DSCAM: variants seen among roughly 807,000 people sequenced by gnomAD.
DSCAM encodes the protein cell adhesion molecule DSCAM.
Under a neutral mutation model 217.7 loss-of-function variants are expected in DSCAM, and 47 were observed. The ratio of observed to expected loss-of-function variants is 0.22; its 90% CI spans 0.17 to 0.28. The LOEUF (loss-of-function observed/expected upper bound fraction) is 0.28. Among genes scored for constraint, DSCAM ranks in the 10% least tolerant of loss-of-function variants. The pLI is 1.00. For synonymous variants in DSCAM, 1,056 were observed against 1,015.3 expected (o/e 1.04, Z -0.76); for missense variants, 2,080 against 2,618.3 (o/e 0.79, Z 4.49).
At chr21:40,282,326 G>A (rs1034017381) in intron 10 of DSCAM, among the ~76,000 whole-genome samples, 5 of 152,006 alleles carry the variant, frequency 3.3e-5, no homozygotes, top group African/African-American at 4.8e-5. Context: ...GGTGGCTCAC[G>A]CCTGTAATCC....
chr21:40,557,182 G>A (rs2150421), intron 3 of DSCAM, among the ~76,000 whole-genome samples: 87,826 of 151,862 alleles, frequency 0.58, 25,607 homozygotes, highest in East Asian at 0.67. Flanking sequence ...TTTATCCCCA[G>A]TGTGGCAGTG....
At chr21:40,155,601 A>G (rs1970392016) in intron 16 of DSCAM, among the ~76,000 whole-genome samples, 1 of 152,078 alleles carries the variant, frequency 6.6e-6, no homozygotes, top group African/African-American at 2.4e-5. Context: ...TTTCAAAGGC[A>G]TGGTCATGGG....
At chr21:40,266,363 T>A (rs985939048) in intron 11 of DSCAM, among the ~76,000 whole-genome samples, 8 of 151,966 alleles carry the variant, frequency 5.3e-5, no homozygotes, top group Middle Eastern at 3.2e-3. Context: ...GATGTTGGCA[T>A]GGATGTATTG....
chr21:40,780,583 G>T (rs1353898145), intron 1 of DSCAM, among the ~76,000 whole-genome samples: 1 of 151,896 alleles, frequency 6.6e-6, no homozygotes, highest in Non-Finnish European at 1.5e-5. Context: ...CTCAGAATGT[G>T]ACTGTGTTTG....
chr21:40,540,426 C>T (rs1158867952), intron 3 of DSCAM, among the ~76,000 whole-genome samples: 2 of 152,182 alleles, frequency 1.3e-5, no homozygotes, highest in Admixed American at 6.5e-5. Context: ...TAATTACCCA[C>T]ATCTACGTCC....
At chr21:40,631,947 C>A (rs773900826) in intron 3 of DSCAM, among the ~76,000 whole-genome samples, 1 of 152,264 alleles carries the variant, frequency 6.6e-6, no homozygotes, top group African/African-American at 2.4e-5. Flanking sequence ...CATGTTGGTG[C>A]TTTCCTAGTA....
At chr21:40,671,506 C>G (rs536308688) in intron 3 of DSCAM, among the ~76,000 whole-genome samples, 5 of 151,480 alleles carry the variant, frequency 3.3e-5, no homozygotes, top group Admixed American at 6.6e-5. Flanking sequence ...AAACTCCCCC[C>G]CCGCACCGTC....
chr21:40,536,096 G>C lies in DSCAM; in HGVS notation c.508+156714C>G, dbSNP rs79600885. On this transcript the variant is annotated intron_variant, in intron 3 of 32. Transcript: ENST00000400454. The stretch of plus-strand genomic sequence containing the variant: ...GGTGAACCTCATGCCTTTAATAAAC[G>C]TAAGTGTCCAACATTCAGCCAGCAA... Among the ~76,000 whole-genome samples the C allele has an allele frequency of 1.9e-4, 29 of 152,280 alleles. No individual in the cohort carries two copies. The South Asian group carries it at 4.4e-3, about 23-fold the overall frequency.
intron 3 of DSCAM, among the ~76,000 whole-genome samples, chr21:40,517,059 G>T (rs2076306745): frequency 6.9e-6 from 1 of 145,844 alleles, no homozygotes; most frequent in African/African-American, 2.5e-5. Context: ...TATACTCTGT[G>T]TATATATATA....
At chr21:40,126,498 A>G (rs1288535032) in intron 19 of DSCAM, among the ~76,000 whole-genome samples, 1 of 152,180 alleles carries the variant, frequency 6.6e-6, no homozygotes, top group Non-Finnish European at 1.5e-5. Context: ...CAGTTGAAAA[A>G]TGCAGATGCT....
At chr21:40,654,014 G>C (rs1423135098) in intron 3 of DSCAM, among the ~76,000 whole-genome samples, 3 of 151,632 alleles carry the variant, frequency 2.0e-5, no homozygotes, top group Non-Finnish European at 4.4e-5. Flanking sequence ...AGAATTGCTT[G>C]AACCCAGGAG....
chr21:40,459,209 ATTG>A (rs2145944946), intron 3 of DSCAM, among the ~76,000 whole-genome samples: 1 of 152,316 alleles, frequency 6.6e-6, no homozygotes, highest in South Asian at 2.1e-4. Flanking sequence ...TAAAAATTAG[ATTG>A]TTGATTAAAC....
chr21:40,189,307 C>A (rs1240808970), intron 11 of DSCAM, 69 bp from the exon 12 acceptor site: 1 of 1,231,966 alleles, frequency 8.1e-7, no homozygotes, highest in African/African-American at 1.5e-5. Context: ...GCAAAACACT[C>A]AGGTAAACCA....
intron 3 of DSCAM, among the ~76,000 whole-genome samples, chr21:40,683,423 A>G (rs907106408): frequency 6.6e-6 from 1 of 152,194 alleles, no homozygotes; most frequent in Admixed American, 6.5e-5. Context: ...GGAGTGTGTG[A>G]CAGAGAGAGA....
chr21:40,794,009 A>G (rs945040865), intron 1 of DSCAM, among the ~76,000 whole-genome samples: 1 of 152,134 alleles, frequency 6.6e-6, no homozygotes, highest in African/African-American at 2.4e-5. Context: ...TCTCTATAAT[A>G]AGCTTACTGA....
At chr21:40,394,379 C>T (rs2075160324) in intron 3 of DSCAM, among the ~76,000 whole-genome samples, 1 of 152,214 alleles carries the variant, frequency 6.6e-6, no homozygotes, top group Admixed American at 6.5e-5. Context: ...CTCCCAATGC[C>T]ACATTCTTTC....
At chr21:40,398,640 T>TC (rs925155224) in intron 3 of DSCAM, among the ~76,000 whole-genome samples, 13 of 147,914 alleles carry the variant, frequency 8.8e-5, no homozygotes, top group East Asian at 3.9e-4. Context: ...TTTCTTTCTT[T>TC]TTTTTTTTTT....
At chr21:40,752,723 G>T (rs1186481980) in intron 1 of DSCAM, among the ~76,000 whole-genome samples, 2 of 151,896 alleles carry the variant, frequency 1.3e-5, no homozygotes, top group East Asian at 3.9e-4. Flanking sequence ...TTCCAAAACT[G>T]GATAAGAATG....
At chr21:40,451,907 A>G (rs1306113630) in intron 3 of DSCAM, among the ~76,000 whole-genome samples, 1 of 152,170 alleles carries the variant, frequency 6.6e-6, no homozygotes, top group Non-Finnish European at 1.5e-5. Flanking sequence ...AACCTCCAGC[A>G]TAAATGGGTT....
Sources: gnomAD v4.1 joint callset for allele counts (sites outside exome capture counted in the v4.1 genomes callset) on GRCh38, gnomAD v4.1.1 for gene constraint, MANE v1.5 for transcripts, NCBI Gene and HGNC (gene_info 2026-07-23, HGNC 2026-07-21) for gene names.